SRRM4: variants seen among roughly 807,000 people sequenced by gnomAD.
SRRM4 encodes serine/arginine repetitive matrix protein 4.
Under a neutral mutation model 68.9 loss-of-function variants are expected in SRRM4, and 33 were observed. The ratio of observed to expected loss-of-function variants is 0.48; its 90% CI spans 0.36 to 0.64. The LOEUF is 0.64. Ranked by LOEUF, SRRM4 falls within the 30% of genes least tolerant of loss-of-function variation. The pLI is 0.00. For synonymous variants in SRRM4, 318 were observed against 318.8 expected (o/e 1.00, Z 0.03); for missense variants, 817 against 827.1 (o/e 0.99, Z 0.15).
intron 2 of SRRM4, among the ~76,000 whole-genome samples, chr12:119,112,236 A>G (rs1954149260): frequency 1.3e-5 from 2 of 152,176 alleles, no homozygotes; most frequent in South Asian, 4.1e-4. Flanking sequence ...AATGCAAATC[A>G]AAACCACAAT....
chr12:119,037,845 C>T (rs2393464), intron 1 of SRRM4, among the ~76,000 whole-genome samples: 1 of 152,112 alleles, frequency 6.6e-6, no homozygotes. Context: ...TTGCTGGATA[C>T]GTAAATTTGA....
rs1050236247 is a variant in SRRM4, at chr12:119,014,036, C to T, written c.131+32023C>T. ...ATTACTTGATAAGTTGGAGAATTAT[C>T]AAGCTCTTTCATCTATCCATTCTGA... On this transcript the variant is annotated intron_variant, in intron 1 of 12. Transcript: ENST00000267260. 1.7e-4 allele frequency among the ~76,000 whole-genome samples: 26 copies of T among 152,098 alleles called. 1 individual carries two copies. The highest frequency in any genetic ancestry group is 1.5e-5 in the Non-Finnish European group (1 of 68,018).
chr12:119,124,663 T>C (rs533317033), intron 6 of SRRM4, among the ~76,000 whole-genome samples: 1 of 152,090 alleles, frequency 6.6e-6, no homozygotes, highest in Non-Finnish European at 1.5e-5. Context: ...TAGTAATTGG[T>C]GTTGTTCTAA....
chr12:119,148,174 G>A (rs77099983), intron 9 of SRRM4, among the ~76,000 whole-genome samples: 2,230 of 152,268 alleles, frequency 0.015, 66 homozygotes, highest in African/African-American at 0.051. Flanking sequence ...GATGACTAAC[G>A]CCTTAGCACT....
chr12:119,153,613 G>T lies in SRRM4; in HGVS notation c.1355G>T (p.Arg452Leu). The part of the protein sequence containing the change: ...RSPPSRSSRS[R>L]RSPSYSRYSP... ...CCGCCCAGCAGAAGCTCTAGGTCCC[G>T]CCGCAGCCCTAGCTACTCCCGCTAC... Residue 452 changes from arginine to leucine, a missense_variant, in exon 11 of 13, where the codon CGC becomes CTC. By Grantham distance (102) the Arg-to-Leu change is moderately radical. Transcript: ENST00000267260. 5 of 1,567,454 alleles carry T rather than the reference G, an allele frequency of 3.2e-6. No homozygotes were observed. Among genetic ancestry groups the T allele is most frequent in the Non-Finnish European group, 4.3e-6 (5 of 1,157,472 alleles).
intron 7 of SRRM4, among the ~76,000 whole-genome samples, chr12:119,128,608 A>T (rs574160984): frequency 1.3e-5 from 2 of 152,208 alleles, no homozygotes; most frequent in Non-Finnish European, 2.9e-5. Flanking sequence ...GAGCTAAAAC[A>T]CATCTCTGAT....
intron 1 of SRRM4, among the ~76,000 whole-genome samples, chr12:119,071,712 T>A (rs1953878792): frequency 6.6e-6 from 1 of 152,182 alleles, no homozygotes; most frequent in Non-Finnish European, 1.5e-5. Context: ...TTCACAAAAA[T>A]GGAATCCCAC....
chr12:119,088,947 C>T (rs565194098), intron 1 of SRRM4, among the ~76,000 whole-genome samples: 1 of 152,194 alleles, frequency 6.6e-6, no homozygotes, highest in East Asian at 1.9e-4. Flanking sequence ...TCTCCAGGAG[C>T]TGGACACTAT....
intron 8 of SRRM4, among the ~76,000 whole-genome samples, chr12:119,140,345 T>C (rs920269656): frequency 2.0e-5 from 3 of 147,914 alleles, no homozygotes. Context: ...GCCATTGCAC[T>C]CCAGCCTGGG....
intron 1 of SRRM4, among the ~76,000 whole-genome samples, chr12:119,009,832 G>T (rs1038044665): frequency 1.3e-5 from 2 of 152,124 alleles, no homozygotes; most frequent in Non-Finnish European, 2.9e-5. Flanking sequence ...TACAAAAAGG[G>T]TATTGTGCTT....
At chr12:119,089,094 C>T (rs1421615640) in intron 1 of SRRM4, among the ~76,000 whole-genome samples, 1 of 152,112 alleles carries the variant, frequency 6.6e-6, no homozygotes, top group Non-Finnish European at 1.5e-5. Context: ...AGTCCCTGCC[C>T]CTCATCAACA....
intron 1 of SRRM4, among the ~76,000 whole-genome samples, chr12:119,041,712 CA>C (rs1406022925): frequency 6.6e-6 from 1 of 152,168 alleles, no homozygotes; most frequent in Non-Finnish European, 1.5e-5. Flanking sequence ...AAATGGAGAA[CA>C]ACCAGTGCCC....
intron 1 of SRRM4, among the ~76,000 whole-genome samples, chr12:119,040,696 A>G (rs1380282795): frequency 1.3e-5 from 2 of 152,162 alleles, no homozygotes; most frequent in Non-Finnish European, 2.9e-5. Context: ...TCTTTTCTGC[A>G]GGGTAGATAC....
At chr12:119,063,381 T>G (rs1192851132) in intron 1 of SRRM4, among the ~76,000 whole-genome samples, 1 of 152,176 alleles carries the variant, frequency 6.6e-6, no homozygotes, top group Non-Finnish European at 1.5e-5. Context: ...TTATACTACA[T>G]GTTTGTCATG....
At chr12:119,019,942 C>A in intron 1 of SRRM4, among the ~76,000 whole-genome samples, 2 of 88,302 alleles carry the variant, frequency 2.3e-5, no homozygotes, top group African/African-American at 7.6e-5. Flanking sequence ...TGGACAGTTC[C>A]CCCCGCTCCC....
intron 1 of SRRM4, among the ~76,000 whole-genome samples, chr12:118,987,783 C>A (rs1953291559): frequency 6.6e-6 from 1 of 152,138 alleles, no homozygotes; most frequent in South Asian, 2.1e-4. Flanking sequence ...ATTTGCCAGG[C>A]CCATTGGGGA....
At chr12:119,010,991 C>A (rs571012878) in intron 1 of SRRM4, among the ~76,000 whole-genome samples, 84 of 152,014 alleles carry the variant, frequency 5.5e-4, no homozygotes, top group African/African-American at 2.0e-3. Flanking sequence ...TCTATGTATA[C>A]AAAAGAACAC....
intron 1 of SRRM4, among the ~76,000 whole-genome samples, chr12:119,011,060 CTG>C (rs1285356848): frequency 3.3e-5 from 5 of 152,104 alleles, no homozygotes; most frequent in Non-Finnish European, 7.3e-5. Context: ...GTACACCAAA[CTG>C]TCAATGACAG....
intron 1 of SRRM4, among the ~76,000 whole-genome samples, chr12:119,093,101 C>T (rs937457035): frequency 2.0e-5 from 3 of 152,276 alleles, no homozygotes; most frequent in South Asian, 2.1e-4. Flanking sequence ...TCTCTGATTA[C>T]CCAGTTTAAA....
Sources: gnomAD v4.1 joint callset for allele counts (sites outside exome capture counted in the v4.1 genomes callset) on GRCh38, gnomAD v4.1.1 for gene constraint, MANE v1.5 for transcripts, NCBI Gene and HGNC (gene_info 2026-07-23, HGNC 2026-07-21) for gene names.